TDRD5: variants seen among roughly 807,000 people sequenced by gnomAD.
The protein encoded by TDRD5 is tudor domain-containing protein 5.
In TDRD5, 41 loss-of-function variants were observed where a neutral mutation model predicts 120.6. The ratio of observed to expected loss-of-function variants is 0.34; its 90% CI spans 0.26 to 0.44. The LOEUF (loss-of-function observed/expected upper bound fraction) is 0.44. Among genes scored for constraint, TDRD5 ranks in the 20% least tolerant of loss-of-function variants. The pLI, the probability that TDRD5 is intolerant of heterozygous loss-of-function variation, is 1.00. For missense variants in TDRD5, 1,006 were observed against 1,221.2 expected (o/e 0.82, Z 2.63); for synonymous variants, 430 against 433.7 (o/e 0.99, Z 0.11).
At chr1:179,669,903 G>A (rs577011594) in intron 17 of TDRD5, among the ~76,000 whole-genome samples, 1 of 152,246 alleles carries the variant, frequency 6.6e-6, no homozygotes, top group Non-Finnish European at 1.5e-5. Context: ...TTTCGTTTAT[G>A]TTGTGCCAGT....
intron 4 of TDRD5, among the ~76,000 whole-genome samples, chr1:179,617,266 T>C (rs1676610909): frequency 6.6e-6 from 1 of 152,154 alleles, no homozygotes; most frequent in South Asian, 2.1e-4. Context: ...GCCAATGGTA[T>C]TGGATGAAAA....
At chr1:179,684,344 A>G (rs1572446066) in intron 17 of TDRD5, among the ~76,000 whole-genome samples, 2 of 152,176 alleles carry the variant, frequency 1.3e-5, no homozygotes, top group Admixed American at 1.3e-4. Flanking sequence ...GATGGTTTCC[A>G]GCTTCATCCA....
chr1:179,671,531 T>C (rs1558421716), intron 17 of TDRD5, among the ~76,000 whole-genome samples: 3 of 152,230 alleles, frequency 2.0e-5, no homozygotes, highest in Admixed American at 6.5e-5. Context: ...GTACTTCTTA[T>C]GTATAATTTT....
intron 4 of TDRD5, among the ~76,000 whole-genome samples, chr1:179,598,178 G>A (rs1376790363): frequency 6.6e-6 from 1 of 152,162 alleles, no homozygotes; most frequent in African/African-American, 2.4e-5. Flanking sequence ...GGGTATTTGT[G>A]TATCTAAACA....
intron 9 of TDRD5, among the ~76,000 whole-genome samples, chr1:179,636,249 C>T (rs1376308216): frequency 6.6e-6 from 1 of 152,130 alleles, no homozygotes; most frequent in Non-Finnish European, 1.5e-5. Context: ...GACATCTGGC[C>T]TCATACCAAT....
chr1:179,608,703 G>A (rs1418714910), intron 4 of TDRD5, among the ~76,000 whole-genome samples: 1 of 151,026 alleles, frequency 6.6e-6, no homozygotes, highest in Non-Finnish European at 1.5e-5. Flanking sequence ...GTTTTAGAGG[G>A]CTTGTCTAGT....
At chr1:179,616,402 CT>C (rs1016564357) in intron 4 of TDRD5, among the ~76,000 whole-genome samples, 1 of 152,026 alleles carries the variant, frequency 6.6e-6, no homozygotes, top group African/African-American at 2.4e-5. Flanking sequence ...TGTCATATCC[CT>C]TCTTTTTCTA....
intron 6 of TDRD5, among the ~76,000 whole-genome samples, 187 bp downstream of exon 6, chr1:179,621,278 G>A (rs748292534): frequency 6.6e-6 from 1 of 151,984 alleles, no homozygotes; most frequent in Non-Finnish European, 1.5e-5. Flanking sequence ...TTATGCATAG[G>A]AAGGATATTT....
chr1:179,675,279 T>TATTTA (rs1558424205), intron 17 of TDRD5, among the ~76,000 whole-genome samples: 3 of 119,478 alleles, frequency 2.5e-5, no homozygotes, highest in African/African-American at 9.7e-5. Context: ...TATTATTTTT[T>TATTTA]TTTTTTTTTT....
At position 179,669,356 on chromosome 1, in the gene TDRD5, T is replaced by C. The variant is rs1025959701; in HGVS notation, c.2812T>C (p.Cys938Arg). The change falls in exon 17 of 18, where the codon TGT (cysteine) becomes CGT (arginine). Residue 938 changes from cysteine to arginine, a missense_variant. Physicochemically the swap from Cys to Arg is radical, Grantham distance 180. This residue lies in a region of TDRD5 where 403 missense variants were observed against 448.1 expected (regional missense o/e 0.90). Coordinates refer to ENST00000444136, the MANE Select transcript of TDRD5 (RefSeq NM_001199085.3). ...KQIQLSTAAPCSTTAVDDSAE... is the reference protein window; with the variant it reads ...KQIQLSTAAPRSTTAVDDSAE... The stretch of plus-strand genomic sequence containing the variant: ...AATTCAGCTTTCCACAGCAGCACCC[T>C]GTTCAACAACTGCAGTGGATGATTC... The C allele has an allele frequency of 8.1e-6, 13 of 1,614,216 alleles. No homozygotes were observed. The highest frequency in any genetic ancestry group is 1.3e-5 in the African/African-American group (1 of 75,050).
intron 4 of TDRD5, among the ~76,000 whole-genome samples, chr1:179,612,769 T>A (rs762349047): frequency 1.3e-5 from 2 of 151,892 alleles, no homozygotes; most frequent in African/African-American, 4.8e-5. Flanking sequence ...ACCCCATGTC[T>A]ACTAAAAATA....
Position 179,638,593 on chromosome 1 carries a change from G to A in TDRD5, c.1521-1246G>A, listed in dbSNP as rs1333223957. ...CAATACATTCTGATATGATAGTTCC[G>A]TGGTGGGAGGGGGACACAGTTATAG... is the stretch of plus-strand genomic sequence containing the variant. On this transcript the variant is annotated intron_variant, in intron 9 of 17. Coordinates refer to ENST00000444136, the MANE Select transcript of TDRD5 (RefSeq NM_001199085.3). 1.6e-5 allele frequency among the ~76,000 whole-genome samples: 2 copies of A among 127,590 alleles called. 1 individual carries two copies. Among genetic ancestry groups the A allele is most frequent in the East Asian group, 4.7e-4 (2 of 4,284 alleles). The allele number at this position is 127,590 out of a possible 152,430, so 83.7% of individuals were successfully genotyped here. A position where few individuals can be genotyped will look rare whatever the true frequency, so the allele number is the denominator to read the frequency against.
At chr1:179,616,961 T>C (rs925972910) in intron 4 of TDRD5, among the ~76,000 whole-genome samples, 6 of 152,122 alleles carry the variant, frequency 3.9e-5, no homozygotes, top group Admixed American at 6.6e-5. Flanking sequence ...AATCTGCAAA[T>C]GGGAGGAACC....
At chr1:179,640,583 A>G in intron 11 of TDRD5, 138 bp downstream of exon 11, 1 of 872,244 alleles carries the variant, frequency 1.1e-6, no homozygotes, top group Non-Finnish European at 1.8e-6. Flanking sequence ...AGTATGGAAA[A>G]TAGACATGTA....
intron 4 of TDRD5, among the ~76,000 whole-genome samples, chr1:179,603,217 C>A (rs75378747): frequency 2.0e-5 from 3 of 152,140 alleles, no homozygotes; most frequent in East Asian, 1.9e-4. Context: ...GATTTGTGTA[C>A]ATTAATCTTG....
chr1:179,691,177 C>A lies in TDRD5; in HGVS notation c.*234C>A. 2.2e-6 allele frequency: 1 copy of A among 459,560 alleles called. No individual in the cohort carries two copies. Among genetic ancestry groups the A allele is most frequent in the Non-Finnish European group, 3.6e-6 (1 of 281,384 alleles). The allele number at this position is 459,560 out of a possible 1,614,324, so 28.5% of individuals were successfully genotyped here. On this transcript the variant is annotated 3_prime_UTR_variant, in exon 18 of 18. Coordinates refer to ENST00000444136, the MANE Select transcript of TDRD5 (RefSeq NM_001199085.3). ...TGATTTTATTCTGTGTCATTTTGTT[C>A]ACCTTTGTTTTTAATGTAGTTTAAA...
chr1:179,625,249 T>C (rs1677061295), intron 6 of TDRD5, among the ~76,000 whole-genome samples: 1 of 151,702 alleles, frequency 6.6e-6, no homozygotes, highest in African/African-American at 2.4e-5. Flanking sequence ...TGAATTAAAA[T>C]ATATTAATGA....
intron 7 of TDRD5, among the ~76,000 whole-genome samples, chr1:179,632,606 CT>C (rs879311747): frequency 3.3e-5 from 5 of 151,998 alleles, no homozygotes; most frequent in African/African-American, 7.3e-5. Context: ...ATAGATAGAT[CT>C]TTTTTTTTAA....
At chr1:179,663,601 C>T in intron 16 of TDRD5, 110 bp downstream of exon 16, 1 of 1,387,046 alleles carries the variant, frequency 7.2e-7, no homozygotes, top group Non-Finnish European at 9.5e-7. Context: ...TGTCTCTTAA[C>T]AGCTTGCTGT....
Sources: allele counts gnomAD v4.1 joint callset (sites outside exome capture counted in the v4.1 genomes callset), GRCh38; gene constraint gnomAD v4.1.1; regional missense constraint gnomAD v4.1.1; transcripts MANE v1.5; gene names NCBI Gene and HGNC (gene_info 2026-07-23, HGNC 2026-07-21).